The following ATRNL1 variants were observed in gnomAD, a reference collection of about 807,000 sequenced individuals.
ATRNL1 encodes the protein attractin-like protein 1.
A neutral mutation model predicts 182.7 loss-of-function variants in ATRNL1; 95 were observed. The observed-to-expected ratio is 0.52, with a 90% CI of 0.44 to 0.62. The LOEUF is 0.62. ATRNL1 is among the 20% of genes least tolerant of loss of function. The probability of loss-of-function intolerance (pLI) is 0.00; values close to 1 mark genes in which losing one functional copy is unlikely to be tolerated. For missense variants in ATRNL1, 1,471 were observed against 1,679.5 expected, an observed-to-expected ratio of 0.88 and a Z score of 2.17; for synonymous variants, 576 against 568.3, an observed-to-expected ratio of 1.01 and a Z score of -0.19.
chr10:115,249,328 G>GAT (rs10570685), intron 10 of ATRNL1, among the ~76,000 whole-genome samples: 2,948 of 151,646 alleles, frequency 0.019, 88 homozygotes, highest in African/African-American at 0.067. Context: ...CAGTAATACA[G>GAT]ATATATATAT....
intron 27 of ATRNL1, among the ~76,000 whole-genome samples, chr10:115,830,677 G>T (rs1367503705): frequency 6.6e-6 from 1 of 152,074 alleles, no homozygotes; most frequent in Non-Finnish European, 1.5e-5. Context: ...GAGTGTTTTT[G>T]CACTGTTGGT....
chr10:115,919,340 G>A (rs915246235), intron 28 of ATRNL1, among the ~76,000 whole-genome samples: 7 of 152,168 alleles, frequency 4.6e-5, no homozygotes, highest in African/African-American at 7.2e-5. Flanking sequence ...AAGAAACGGC[G>A]TGTTCACTCA....
At chr10:115,219,857 C>T (rs887665293) in intron 9 of ATRNL1, among the ~76,000 whole-genome samples, 108 of 152,034 alleles carry the variant, frequency 7.1e-4, no homozygotes, top group African/African-American at 2.4e-3. Flanking sequence ...GAGCCGAGAT[C>T]GTGCCACTGT....
chr10:115,093,773 G>T lies in ATRNL1; in HGVS notation c.23G>T (p.Arg8Leu), dbSNP rs530044425. Residue 8 changes from arginine to leucine, a missense_variant, in exon 1 of 29, where the codon CGC (arginine) becomes CTC (leucine). By Grantham distance (102) the Arg-to-Leu change is moderately radical. This residue lies in a region of ATRNL1 where 1,031 missense variants were observed against 1,156.0 expected (regional missense o/e 0.89). Transcript: ENST00000355044. The surrounding 1 kb of genome is among the most constrained non-coding windows in gnomAD (Gnocchi z 6.1). The part of the protein sequence containing the change: METGGRA[R>L]TGTPQPAAPG... ...AAGATGGAGACTGGGGGCCGGGCCC[G>T]CACTGGTACCCCGCAGCCAGCGGCC... The T allele has an allele frequency of 2.7e-5, 38 of 1,421,224 alleles. No homozygotes were observed. In the Middle Eastern group the frequency reaches 5.9e-4, roughly 22 times the overall value. The allele number at this position is 1,421,224 out of a possible 1,614,324, so 88.0% of individuals were successfully genotyped here.
At chr10:115,180,921 G>A (rs562433455) in intron 8 of ATRNL1, among the ~76,000 whole-genome samples, 90 of 151,952 alleles carry the variant, frequency 5.9e-4, no homozygotes, top group Non-Finnish European at 8.6e-4. Flanking sequence ...AAATTCTGTT[G>A]ACTCTGTTGT....
intron 28 of ATRNL1, among the ~76,000 whole-genome samples, chr10:115,884,226 G>T (rs562443572): frequency 6.6e-6 from 1 of 152,088 alleles, no homozygotes. Flanking sequence ...GTAATCCATG[G>T]CTATGAAGCC....
At chr10:115,659,015 A>G (rs1860510580) in intron 26 of ATRNL1, among the ~76,000 whole-genome samples, 1 of 152,110 alleles carries the variant, frequency 6.6e-6, no homozygotes. Flanking sequence ...TGTACTCACT[A>G]TCAGGAGAAT....
intron 26 of ATRNL1, among the ~76,000 whole-genome samples, chr10:115,718,256 A>G (rs1001161926): frequency 3.9e-5 from 6 of 152,174 alleles, no homozygotes; most frequent in African/African-American, 1.2e-4. Context: ...TAACCATTCT[A>G]TCTAAAGCAC....
chr10:115,609,935 A>G (rs555226502), intron 26 of ATRNL1, among the ~76,000 whole-genome samples: 2 of 152,228 alleles, frequency 1.3e-5, no homozygotes, highest in Non-Finnish European at 2.9e-5. Context: ...ATTTTGTGAG[A>G]CGTGTTGTTT....
intron 19 of ATRNL1, among the ~76,000 whole-genome samples, chr10:115,355,963 G>A (rs1856486474): frequency 6.6e-6 from 1 of 151,954 alleles, no homozygotes; most frequent in African/African-American, 2.4e-5. Flanking sequence ...CATAATGACA[G>A]TTCTATTTTT....
intron 27 of ATRNL1, among the ~76,000 whole-genome samples, chr10:115,793,342 TAG>T: frequency 6.6e-6 from 1 of 152,210 alleles, no homozygotes; most frequent in South Asian, 2.1e-4. Context: ...TCTCTCATCA[TAG>T]AAAATGATGG....
In ATRNL1 at chr10:115,945,736, T is replaced by C. The variant is rs1953863199; in HGVS notation, c.*957T>C. The C allele has an allele frequency of 6.6e-6, 1 of 152,196 alleles. No homozygotes were observed. Among genetic ancestry groups the C allele is most frequent in the Non-Finnish European group, 1.5e-5 (1 of 68,030 alleles). The allele number at this position is 152,196 out of a possible 1,614,324, so 9.4% of individuals were successfully genotyped here. On this transcript the variant is annotated 3_prime_UTR_variant, in exon 29 of 29. Coordinates refer to ENST00000355044, the MANE Select transcript of ATRNL1 (RefSeq NM_207303.4). ...GATTTTAACTACCTTTTACAAATGT[T>C]ACAAAATGTATTTTAGAGGCGACAT...
intron 24 of ATRNL1, among the ~76,000 whole-genome samples, chr10:115,504,411 G>T (rs1217610877): frequency 6.6e-6 from 1 of 151,990 alleles, no homozygotes; most frequent in African/African-American, 2.4e-5. Context: ...ATTGCCTGTG[G>T]ACTAGTCCAC....
At chr10:115,529,064 C>T (rs1851413374) in intron 25 of ATRNL1, among the ~76,000 whole-genome samples, 1 of 151,884 alleles carries the variant, frequency 6.6e-6, no homozygotes, top group Admixed American at 6.6e-5. Context: ...CTTCTGTGCC[C>T]ATCAGGAGAA....
chr10:115,537,070 C>T (rs1010253795), intron 25 of ATRNL1, among the ~76,000 whole-genome samples: 1 of 152,184 alleles, frequency 6.6e-6, no homozygotes, highest in African/African-American at 2.4e-5. Context: ...TCTTACTGTA[C>T]TGGAAGTTCA....
chr10:115,615,993 G>A (rs572678781), intron 26 of ATRNL1, among the ~76,000 whole-genome samples: 3 of 152,186 alleles, frequency 2.0e-5, no homozygotes, highest in African/African-American at 7.2e-5. Context: ...GGTTGAAATA[G>A]TGGAGGCCTC....
intron 8 of ATRNL1, among the ~76,000 whole-genome samples, chr10:115,195,842 T>A (rs1848339261): frequency 6.6e-6 from 1 of 152,088 alleles, no homozygotes; most frequent in African/African-American, 2.4e-5. Context: ...AAAATGTCTG[T>A]ACTTTTTGTA....
chr10:115,098,886 ATAGT>A (rs1215416523), intron 1 of ATRNL1, among the ~76,000 whole-genome samples: 1 of 152,158 alleles, frequency 6.6e-6, no homozygotes, highest in Non-Finnish European at 1.5e-5. Context: ...TATAATTTTG[ATAGT>A]TATTTAAACA....
intron 21 of ATRNL1, among the ~76,000 whole-genome samples, chr10:115,460,982 A>C (rs1461467668): frequency 6.6e-6 from 1 of 152,140 alleles, no homozygotes; most frequent in African/African-American, 2.4e-5. Flanking sequence ...ATTCTTATAC[A>C]AAATATTGCC....
Sources: allele counts gnomAD v4.1 joint callset (sites outside exome capture counted in the v4.1 genomes callset), GRCh38; gene constraint gnomAD v4.1.1; regional missense constraint gnomAD v4.1.1; non-coding constraint Gnocchi (gnomAD v3.1); transcripts MANE v1.5; gene names NCBI Gene and HGNC (gene_info 2026-07-23, HGNC 2026-07-21).